The following CLEC3B variants were observed in gnomAD, a reference collection of about 807,000 sequenced individuals.
The protein encoded by CLEC3B is tetranectin.
In CLEC3B, 13 loss-of-function variants were observed where a neutral mutation model predicts 15.4. The ratio of observed to expected loss-of-function variants is 0.84; its 90% confidence interval spans 0.55 to 1.34. The LOEUF (loss-of-function observed/expected upper bound fraction) is 1.34, where lower values mean the gene tolerates loss of function less well. Among genes scored for constraint, CLEC3B ranks in the 40% most tolerant of loss-of-function variants. The pLI, the probability that CLEC3B is intolerant of heterozygous loss-of-function variation, is 0.00. For missense variants in CLEC3B, 242 were observed against 268.6 expected (o/e 0.90, Z 0.69); for synonymous variants, 112 against 114.7 (o/e 0.98, Z 0.15).
At chr3:45,030,583 C>T (rs1316446169) in intron 1 of CLEC3B, among the ~76,000 whole-genome samples, 1 of 152,192 alleles carries the variant, frequency 6.6e-6, no homozygotes, top group Non-Finnish European at 1.5e-5. Context: ...TCTGCTAATC[C>T]CAGCCCCATC....
chr3:45,035,891 G>GCTGC lies in CLEC3B; in HGVS notation c.578_581dup (p.Tyr195AlafsTer51). On this transcript the variant is annotated frameshift_variant, in exon 3 of 3. Transcript: ENST00000296130. LOFTEE classifies it high-confidence loss of function. ...GGTTCGACAAGCGCTGCCGCGATCA[G>GCTGC]CTGCCCTACATCTGCCAGTTCGGGA... The GCTGC allele has an allele frequency of 6.2e-7, 1 of 1,608,506 alleles. No homozygotes were observed. The highest frequency in any genetic ancestry group is 8.5e-7 in the Non-Finnish European group (1 of 1,178,278).
chr3:45,031,762 A>G (rs62242474), intron 2 of CLEC3B, among the ~76,000 whole-genome samples: 15,370 of 152,064 alleles, frequency 0.1, 800 homozygotes, highest in Middle Eastern at 0.18. Flanking sequence ...CCTCCGATTT[A>G]CCTACCTTTA....
At chr3:45,035,290 G>A (rs1697621526) in intron 2 of CLEC3B, among the ~76,000 whole-genome samples, 1 of 152,196 alleles carries the variant, frequency 6.6e-6, no homozygotes, top group Admixed American at 6.5e-5. Context: ...TCCCAGCCGC[G>A]GGAGCACCAA....
rs532401517 is a variant in CLEC3B at position 45,027,942 on chromosome 3, A to G, written c.109+1471A>G. Reference sequence around the variant, plus strand: ...AATCTTTTTAAACTCATGTTAAAAAAAAAAGGGTCAGAGCACGTGATGCCT... The same window carrying G: ...AATCTTTTTAAACTCATGTTAAAAAGAAAAGGGTCAGAGCACGTGATGCCT... On this transcript the variant is annotated intron_variant, in intron 1 of 2. Transcript: ENST00000296130. Among the ~76,000 whole-genome samples the G allele has an allele frequency of 5.9e-5, 9 of 152,292 alleles. No individual in the cohort carries two copies. In the South Asian group the frequency reaches 1.7e-3, roughly 28 times the overall value.
Position 45,036,061 on chromosome 3 carries a change from C to G in CLEC3B, c.*137C>G. ...TTTGCAAATAAAGTTGGTGCAGCTT[C>G]GCGGAGAGGAGAGGCGCTGCAGTCT... On this transcript the variant is annotated 3_prime_UTR_variant, in exon 3 of 3. Transcript: ENST00000296130. 2 of 1,078,542 alleles carry G rather than the reference C, an allele frequency of 1.9e-6. No homozygotes were observed. Among genetic ancestry groups the G allele is most frequent in the Non-Finnish European group, 2.6e-6 (2 of 774,330 alleles). The allele number at this position is 1,078,542 out of a possible 1,614,324, so 66.8% of individuals were successfully genotyped here. A position where few individuals can be genotyped will look rare whatever the true frequency, so the allele number is the denominator to read the frequency against.
Position 45,035,862 on chromosome 3 carries a change from A to G in CLEC3B, c.547A>G (p.Lys183Glu). 6.2e-7 allele frequency: 1 copy of G among 1,612,238 alleles called. No individual in the cohort carries two copies. Among genetic ancestry groups the G allele is most frequent in the Non-Finnish European group, 8.5e-7 (1 of 1,179,714 alleles). ...GGTCCTGTCAGGCGCGGCCAACGGCAAGTGGTTCGACAAGCGCTGCCGCGA... is the reference window on the plus strand; with the variant it reads ...GGTCCTGTCAGGCGCGGCCAACGGCGAGTGGTTCGACAAGCGCTGCCGCGA... ...CAVLSGAANG[K>E]WFDKRCRDQL... The change falls in exon 3 of 3, where the codon AAG (lysine) becomes GAG (glutamate). Residue 183 changes from lysine to glutamate, a missense_variant. Coordinates refer to ENST00000296130, the MANE Select transcript of CLEC3B (RefSeq NM_003278.3).
In CLEC3B at chr3:45,035,773, C is replaced by G. The variant is rs757608213; in HGVS notation, c.458C>G (p.Ala153Gly). The G allele has an allele frequency of 6.2e-7, 1 of 1,613,716 alleles. No individual in the cohort carries two copies. The highest frequency in any genetic ancestry group is 1.7e-5 in the Admixed American group (1 of 60,030). ...TWVDMTGARI[A>G]YKNWETEITA... ...GTGGACATGACCGGCGCCCGCATCG[C>G]CTACAAGAACTGGGAGACTGAGATC... Residue 153 changes from alanine to glycine, a missense_variant, in exon 3 of 3, where the codon GCC becomes GGC. Transcript: ENST00000296130.
chr3:45,029,913 CCGTT>C (rs942088434), intron 1 of CLEC3B, among the ~76,000 whole-genome samples: 14 of 152,202 alleles, frequency 9.2e-5, no homozygotes, highest in African/African-American at 2.2e-4. Flanking sequence ...TGTTAGGAAT[CCGTT>C]TGTGTGCCAT....
chr3:45,026,403 CCCT>C lies in CLEC3B; in HGVS notation c.45_47del (p.Leu16del). 6.2e-7 allele frequency: 1 copy of C among 1,614,150 alleles called. No homozygotes were observed. The highest frequency in any genetic ancestry group is 8.5e-7 in the Non-Finnish European group (1 of 1,180,026). On this transcript the variant is annotated inframe_deletion, in exon 1 of 3. Coordinates refer to ENST00000296130, the MANE Select transcript of CLEC3B (RefSeq NM_003278.3). Reference sequence around the variant, plus strand: ...GCCTACCTCCTCCTCTGCCTCTTCTCCCTCCTGACCCAGGTCACCACCGAGCCA... The same window carrying C: ...GCCTACCTCCTCCTCTGCCTCTTCTCCCTGACCCAGGTCACCACCGAGCCA...
At chr3:45,035,387 G>T in intron 2 of CLEC3B, 137 bp from the exon 3 acceptor site, 1 of 1,162,872 alleles carries the variant, frequency 8.6e-7, no homozygotes. Flanking sequence ...GACCCCTTTT[G>T]CCTGGGTCTA....
Position 45,035,616 on chromosome 3 carries a change from C to T in CLEC3B, c.301C>T (p.Arg101Cys). ...CGAGGCCAGCGAGGACTGCATCTCG[C>T]GCGGGGGCACCCTGGGCACCCCTCA... ...FHEASEDCIS[R>C]GGTLGTPQTG... The change falls in exon 3 of 3, where the codon CGC becomes TGC. Residue 101 changes from arginine to cysteine, a missense_variant. Arg to Cys is a radical substitution (Grantham distance 180). Transcript: ENST00000296130. 1 of 1,614,140 alleles carries T rather than the reference C, an allele frequency of 6.2e-7. No individual in the cohort carries two copies. The highest frequency in any genetic ancestry group is 1.1e-5 in the South Asian group (1 of 91,088).
chr3:45,032,963 A>G (rs1697584148), intron 2 of CLEC3B, among the ~76,000 whole-genome samples: 1 of 152,128 alleles, frequency 6.6e-6, no homozygotes, highest in South Asian at 2.1e-4. Flanking sequence ...CTTCCATCTC[A>G]TTGACAAGAA....
rs1418446459 is a variant in CLEC3B, at chr3:45,036,062, G to A, written c.*138G>A. The A allele has an allele frequency of 9.4e-7, 1 of 1,066,326 alleles. No homozygotes were observed. The highest frequency in any genetic ancestry group is 1.3e-6 in the Non-Finnish European group (1 of 762,998). 66.1% of individuals were successfully genotyped at this position (1,066,326 alleles called of 1,614,324 possible). On this transcript the variant is annotated 3_prime_UTR_variant, in exon 3 of 3. Coordinates refer to ENST00000296130, the MANE Select transcript of CLEC3B (RefSeq NM_003278.3). ...TTGCAAATAAAGTTGGTGCAGCTTC[G>A]CGGAGAGGAGAGGCGCTGCAGTCTG...
intron 2 of CLEC3B, among the ~76,000 whole-genome samples, chr3:45,033,075 G>T (rs1697586599): frequency 6.6e-6 from 1 of 152,184 alleles, no homozygotes; most frequent in Non-Finnish European, 1.5e-5. Flanking sequence ...AAGGGATTTG[G>T]AGGCAACAGT....
At position 45,035,859 on chromosome 3, in the gene CLEC3B, G is replaced by C. The variant is rs371476617; in HGVS notation, c.544G>C (p.Gly182Arg). The C allele has an allele frequency of 2.5e-6, 4 of 1,612,422 alleles. No homozygotes were observed. The highest frequency in any genetic ancestry group is 2.5e-6 in the Non-Finnish European group (3 of 1,179,754). The part of the protein sequence containing the change: ...NCAVLSGAAN[G>R]KWFDKRCRDQ... The stretch of plus-strand genomic sequence containing the variant: ...CGCGGTCCTGTCAGGCGCGGCCAAC[G>C]GCAAGTGGTTCGACAAGCGCTGCCG... The change falls in exon 3 of 3, where the codon GGC (glycine) becomes CGC (arginine). Residue 182 changes from glycine to arginine, a missense_variant. By Grantham distance (125) the Gly-to-Arg change is moderately radical. Coordinates refer to ENST00000296130, the MANE Select transcript of CLEC3B (RefSeq NM_003278.3).
At chr3:45,028,122 G>A (rs1419953271) in intron 1 of CLEC3B, among the ~76,000 whole-genome samples, 1 of 152,154 alleles carries the variant, frequency 6.6e-6, no homozygotes, top group African/African-American at 2.4e-5. Flanking sequence ...AACATGGCAG[G>A]CACTTATAGA....
rs1208556646 is a variant in CLEC3B, at chr3:45,035,911, T to G, written c.596T>G (p.Phe199Cys). Reference protein sequence around the residue: ...CRDQLPYICQFGIV With the variant: ...CRDQLPYICQCGIV ...GATCAGCTGCCCTACATCTGCCAGT[T>G]CGGGATCGTGTAGCCGGCGGGGCGG... The change falls in exon 3 of 3, where the codon TTC (phenylalanine) becomes TGC (cysteine). Residue 199 changes from phenylalanine (F) to cysteine (C), a missense_variant. Physicochemically the swap from Phe to Cys is radical, Grantham distance 205 (BLOSUM62 -2). Transcript: ENST00000296130. The G allele has an allele frequency of 6.3e-7, 1 of 1,589,238 alleles. No homozygotes were observed. Among genetic ancestry groups the G allele is most frequent in the Non-Finnish European group, 8.6e-7 (1 of 1,166,154 alleles).
rs139867254 is a variant in CLEC3B, at chr3:45,026,739, T to C, written c.109+268T>C. Among the ~76,000 whole-genome samples, 4 of 152,254 alleles carry C rather than the reference T, an allele frequency of 2.6e-5. No homozygotes were observed. The East Asian group carries it at 7.7e-4, about 29-fold the overall frequency. Reference sequence around the variant, plus strand: ...CTCTCCTCCCCTCATCCCCAATATTTTAAAGAAACCAAACCTTTGGCCTGG... The same window carrying C: ...CTCTCCTCCCCTCATCCCCAATATTCTAAAGAAACCAAACCTTTGGCCTGG... On this transcript the variant is annotated intron_variant, in intron 1 of 2. Coordinates refer to ENST00000296130, the MANE Select transcript of CLEC3B (RefSeq NM_003278.3).
intron 2 of CLEC3B, among the ~76,000 whole-genome samples, chr3:45,031,315 C>T (rs1029103196): frequency 1.3e-5 from 2 of 152,224 alleles, no homozygotes; most frequent in Non-Finnish European, 2.9e-5. Context: ...CAGCTGGCCT[C>T]TGCAGCCCCA....
Sources: gnomAD v4.1 joint callset for allele counts (sites outside exome capture counted in the v4.1 genomes callset) on GRCh38, gnomAD v4.1.1 for gene constraint, MANE v1.5 for transcripts, NCBI Gene and HGNC (gene_info 2026-07-23, HGNC 2026-07-21) for gene names.